Variants in ABCC9 observed in about 807,000 individuals in gnomAD.
ABCC9 encodes the protein ATP-binding cassette sub-family C member 9.
ABCC9 carries 95 observed loss-of-function variants against 188.3 expected under a neutral mutation model. That is an observed-to-expected ratio of 0.50 (90% confidence interval 0.43 to 0.60). The LOEUF (loss-of-function observed/expected upper bound fraction) is 0.60. ABCC9 is among the 20% of genes least tolerant of loss of function. The pLI is 0.00. For synonymous variants in ABCC9, 659 were observed against 652.7 expected (o/e 1.01, Z -0.15); for missense variants, 1,102 against 1,876.3 (o/e 0.59, Z 7.62).
intron 31 of ABCC9, among the ~76,000 whole-genome samples, chr12:21,821,569 TAAAC>T (rs1943039773): frequency 6.6e-6 from 1 of 152,098 alleles, no homozygotes; most frequent in Non-Finnish European, 1.5e-5. Flanking sequence ...AAATGGAAAT[TAAAC>T]AGTAGGAGTA....
intron 33 of ABCC9, 87 bp from the exon 34 acceptor site, chr12:21,815,980 T>A: frequency 1.2e-6 from 1 of 801,734 alleles, no homozygotes; most frequent in Non-Finnish European, 1.8e-6. Flanking sequence ...AATACATTTA[T>A]ACATATATAT....
intron 31 of ABCC9, among the ~76,000 whole-genome samples, chr12:21,822,590 G>A (rs1044025516): frequency 2.0e-5 from 3 of 151,842 alleles, no homozygotes; most frequent in African/African-American, 7.3e-5. Context: ...ACGAGGTCAG[G>A]AGATCGAGAC....
intron 20 of ABCC9, among the ~76,000 whole-genome samples, chr12:21,861,474 A>G (rs1010413465): frequency 2.6e-5 from 4 of 152,042 alleles, no homozygotes; most frequent in Non-Finnish European, 5.9e-5. Context: ...TTAGGCAATC[A>G]GCCTGCCTCA....
intron 25 of ABCC9, among the ~76,000 whole-genome samples, chr12:21,847,766 C>T (rs1166407474): frequency 1.3e-5 from 2 of 152,120 alleles, no homozygotes; most frequent in East Asian, 3.9e-4. Flanking sequence ...AATACAGCTA[C>T]TTCAAAATGC....
intron 30 of ABCC9, among the ~76,000 whole-genome samples, chr12:21,836,410 CTT>C (rs1380814936): frequency 1.3e-5 from 2 of 152,176 alleles, no homozygotes; most frequent in East Asian, 1.9e-4. Context: ...GTACTGGACT[CTT>C]TTGATTTCCA....
Position 21,910,329 on chromosome 12 carries a change from AAAG to A in ABCC9, c.1165-20_1165-18del, listed in dbSNP as rs1320086699. Reference sequence around the variant, plus strand: ...AATCATGGCCTACCAAAAAAAAAAAAAAGAGTACATAAAGCTCTAAACTTAAAA... The same window carrying A: ...AATCATGGCCTACCAAAAAAAAAAAAAGTACATAAAGCTCTAAACTTAAAA... On this transcript the variant is annotated intron_variant, in intron 9 of 39. Coordinates refer to ENST00000261200, the MANE Select transcript of ABCC9 (RefSeq NM_020297.4). 25 of 1,580,648 alleles carry A rather than the reference AAAG, an allele frequency of 1.6e-5. No homozygotes were observed. Among genetic ancestry groups the A allele is most frequent in the South Asian group, 2.3e-5 (2 of 86,808 alleles).
Position 21,859,485 on chromosome 12 carries a change from A to G in ABCC9, c.2505+101T>C, listed in dbSNP as rs527910259. The G allele has an allele frequency of 1.1e-5, 13 of 1,181,412 alleles. No homozygotes were observed. In the African/African-American group the frequency reaches 1.7e-4, roughly 15 times the overall value. The allele number at this position is 1,181,412 out of a possible 1,614,324, so 73.2% of individuals were successfully genotyped here. On this transcript the variant is annotated intron_variant, in intron 22 of 39. Transcript: ENST00000261200. ...TATATACTTTACGATTTCACAAGTT[A>G]AACCATCTTTCCTTGAGTTACTTGA...
chr12:21,915,626 A>G (rs1180347574), intron 7 of ABCC9, 42 bp downstream of exon 7: 7 of 1,605,584 alleles, frequency 4.4e-6, no homozygotes, highest in Non-Finnish European at 5.9e-6. Context: ...CAACAGGACC[A>G]TTCTCTGTAA....
chr12:21,903,386 C>G (rs552471472), intron 12 of ABCC9, among the ~76,000 whole-genome samples: 15 of 152,298 alleles, frequency 9.8e-5, no homozygotes, highest in African/African-American at 3.4e-4. Flanking sequence ...GGGATGCCCT[C>G]TCTCATCACT....
intron 17 of ABCC9, among the ~76,000 whole-genome samples, 181 bp from the exon 18 acceptor site, chr12:21,872,911 A>G (rs1240748429): frequency 6.6e-6 from 1 of 151,732 alleles, no homozygotes; most frequent in East Asian, 1.9e-4. Context: ...AAAAATATAT[A>G]TATATATAAT....
chr12:21,941,263 G>A lies in ABCC9; in HGVS notation c.-200C>T, dbSNP rs1208146011. The A allele has an allele frequency of 6.6e-6, 1 of 152,370 alleles. No homozygotes were observed. The highest frequency in any genetic ancestry group is 1.5e-5 in the Non-Finnish European group (1 of 68,140). The allele number at this position is 152,370 out of a possible 1,614,324, so 9.4% of individuals were successfully genotyped here. A position where few individuals can be genotyped will look rare whatever the true frequency, so the allele number is the denominator to read the frequency against. Reference sequence around the variant, plus strand: ...TGCGCCGGAACGGATTATTTTTAGGGTGGTGGGAGACCAGCTGCTGCCTCC... The same window carrying A: ...TGCGCCGGAACGGATTATTTTTAGGATGGTGGGAGACCAGCTGCTGCCTCC... On this transcript the variant is annotated 5_prime_UTR_variant, in exon 1 of 40. Coordinates refer to ENST00000261200, the MANE Select transcript of ABCC9 (RefSeq NM_020297.4). The surrounding 1 kb of genome is among the most constrained non-coding windows in gnomAD (Gnocchi z 5.4).
intron 13 of ABCC9, among the ~76,000 whole-genome samples, chr12:21,894,884 A>C (rs1382108819): frequency 6.6e-6 from 1 of 152,236 alleles, no homozygotes; most frequent in African/African-American, 2.4e-5. Context: ...ATCTTGTTGT[A>C]AGAGTATCTG....
chr12:21,906,822 A>G (rs777246346), intron 11 of ABCC9, among the ~76,000 whole-genome samples: 1 of 152,136 alleles, frequency 6.6e-6, no homozygotes, highest in South Asian at 2.1e-4. Context: ...TATCTTAGCT[A>G]TCAAGAGATT....
chr12:21,939,948 T>G (rs1183175220), intron 2 of ABCC9, among the ~76,000 whole-genome samples: 1 of 152,214 alleles, frequency 6.6e-6, no homozygotes, highest in Admixed American at 6.5e-5. Context: ...AACATATACA[T>G]TTTGGATTTA....
intron 39 of ABCC9, among the ~76,000 whole-genome samples, chr12:21,804,876 A>G (rs1416936406): frequency 1.3e-5 from 2 of 152,234 alleles, no homozygotes; most frequent in Non-Finnish European, 2.9e-5. Flanking sequence ...ATGGATGCTT[A>G]CAAAACATCC....
At chr12:21,872,570 G>T in intron 18 of ABCC9, 55 bp downstream of exon 18, 1 of 1,331,668 alleles carries the variant, frequency 7.5e-7, no homozygotes, top group Non-Finnish European at 1.1e-6. Context: ...TTCTTTCCTT[G>T]GAAGATTATC....
chr12:21,865,590 AGAGT>A (rs1261463437), intron 18 of ABCC9, among the ~76,000 whole-genome samples: 1 of 152,170 alleles, frequency 6.6e-6, no homozygotes, highest in Non-Finnish European at 1.5e-5. Context: ...GGAAGAGAGA[AGAGT>A]GAGTATGTGG....
At chr12:21,896,079 C>CTTTTTTTTTTTTTTTTTTTTATTTTTT (rs5796933) in intron 12 of ABCC9, among the ~76,000 whole-genome samples, 1 of 128,048 alleles carries the variant, frequency 7.8e-6, no homozygotes, top group African/African-American at 2.9e-5. Flanking sequence ...ATCTAATTTT[C>CTTTTTTTTTTTTTTTTTTTTATTTTTT]TTTTTTTTTT....
chr12:21,858,578 CA>C (rs11325700), intron 22 of ABCC9, among the ~76,000 whole-genome samples: 76,560 of 136,646 alleles, frequency 0.56, 21,185 homozygotes, highest in South Asian at 0.69. Context: ...GAATCCATCT[CA>C]AAAAAAAAAA....
Sources: gnomAD v4.1 joint callset for allele counts (sites outside exome capture counted in the v4.1 genomes callset) on GRCh38, gnomAD v4.1.1 for gene constraint, Gnocchi (gnomAD v3.1) non-coding constraint, MANE v1.5 for transcripts, NCBI Gene and HGNC (gene_info 2026-07-23, HGNC 2026-07-21) for gene names.